The following WDFY4 variants were observed in gnomAD, a reference collection of about 807,000 sequenced individuals.
The protein encoded by WDFY4 is WDFY family member 4.
A neutral mutation model predicts 351.9 loss-of-function variants in WDFY4; 169 were observed. The ratio of observed to expected loss-of-function variants is 0.48; its 90% CI spans 0.42 to 0.55. The LOEUF (loss-of-function observed/expected upper bound fraction) is 0.55. Among genes scored for constraint, WDFY4 ranks in the 20% least tolerant of loss-of-function variants. The probability of loss-of-function intolerance (pLI) is 0.00; values close to 1 mark genes in which losing one functional copy is unlikely to be tolerated. For missense variants in WDFY4, 3,803 were observed against 3,935.6 expected, an observed-to-expected ratio of 0.97 and a Z score of 0.90; for synonymous variants, 1,622 against 1,574.6, an observed-to-expected ratio of 1.03 and a Z score of -0.71.
chr10:48,823,038 G>C (rs1460964871), intron 35 of WDFY4: 1 of 924,282 alleles, frequency 1.1e-6, no homozygotes, highest in Non-Finnish European at 1.5e-6. Flanking sequence ...AGATAAACAG[G>C]TATAGTTACA....
At chr10:48,801,122 A>G (rs1247953401) in intron 24 of WDFY4, among the ~76,000 whole-genome samples, 1 of 152,192 alleles carries the variant, frequency 6.6e-6, no homozygotes, top group East Asian at 1.9e-4. Context: ...GACACATTAT[A>G]CAGTCCATAC....
intron 43 of WDFY4, among the ~76,000 whole-genome samples, chr10:48,878,877 C>T (rs1374274219): frequency 1.3e-5 from 2 of 151,340 alleles, no homozygotes; most frequent in Non-Finnish European, 2.9e-5. Flanking sequence ...CTGAAGCAGC[C>T]AGTCAGTCAA....
At chr10:48,926,182 C>G (rs1445509661) in intron 47 of WDFY4, among the ~76,000 whole-genome samples, 1 of 152,206 alleles carries the variant, frequency 6.6e-6, no homozygotes, top group East Asian at 1.9e-4. Context: ...ATCCTGGAAT[C>G]CTATGACTCT....
chr10:48,775,895 A>C, intron 15 of WDFY4, 89 bp downstream of exon 15: 2 of 1,240,932 alleles, frequency 1.6e-6, no homozygotes, highest in Non-Finnish European at 2.3e-6. Flanking sequence ...ACAGGTGGGA[A>C]AGCAAACAGG....
intron 27 of WDFY4, among the ~76,000 whole-genome samples, chr10:48,807,603 A>G (rs923183419): frequency 1.3e-5 from 2 of 152,178 alleles, no homozygotes; most frequent in African/African-American, 2.4e-5. Context: ...ATTTTCCTTT[A>G]TTATTTTTAG....
chr10:48,949,717 C>T (rs1400305173), intron 51 of WDFY4, among the ~76,000 whole-genome samples: 1 of 152,184 alleles, frequency 6.6e-6, no homozygotes, highest in African/African-American at 2.4e-5. Flanking sequence ...CATGGGAGAG[C>T]ACACGTCTCC....
At chr10:48,765,233 C>T (rs2065631558) in intron 13 of WDFY4, among the ~76,000 whole-genome samples, 1 of 152,226 alleles carries the variant, frequency 6.6e-6, no homozygotes, top group Non-Finnish European at 1.5e-5. Flanking sequence ...TCAATGTCAT[C>T]ATTGTCATTA....
At chr10:48,712,960 C>T (rs1306930037) in intron 2 of WDFY4, among the ~76,000 whole-genome samples, 1 of 152,172 alleles carries the variant, frequency 6.6e-6, no homozygotes, top group Non-Finnish European at 1.5e-5. Flanking sequence ...TCCTGAACTC[C>T]CATGTGTGAT....
intron 24 of WDFY4, among the ~76,000 whole-genome samples, chr10:48,798,669 G>A (rs2066954584): frequency 6.6e-6 from 1 of 152,206 alleles, no homozygotes; most frequent in Admixed American, 6.5e-5. Context: ...ACAACCAGAA[G>A]GGAACGCCAG....
intron 44 of WDFY4, among the ~76,000 whole-genome samples, chr10:48,896,714 C>A (rs1837095381): frequency 1.3e-5 from 2 of 152,158 alleles, no homozygotes; most frequent in African/African-American, 4.8e-5. Context: ...TGCATTCAGT[C>A]TCACAGTCAC....
chr10:48,963,704 A>C, intron 53 of WDFY4, 138 bp from the exon 54 acceptor site: 1 of 993,912 alleles, frequency 1.0e-6, no homozygotes, highest in Middle Eastern at 3.2e-4. Context: ...CTTTGTGCTC[A>C]TCAAGCCCAG....
At chr10:48,733,677 T>C (rs2064544507) in intron 9 of WDFY4, among the ~76,000 whole-genome samples, 1 of 152,148 alleles carries the variant, frequency 6.6e-6, no homozygotes, top group South Asian at 2.1e-4. Context: ...CCTCAGAAAT[T>C]CTGGGGATGG....
chr10:48,859,043 G>A (rs1418655734), intron 39 of WDFY4, among the ~76,000 whole-genome samples: 2 of 152,006 alleles, frequency 1.3e-5, no homozygotes, highest in East Asian at 3.9e-4. Flanking sequence ...TGTGTGTGTT[G>A]ATCTTATATC....
chr10:48,970,053 A>G, intron 56 of WDFY4, 78 bp from the exon 57 acceptor site: 1 of 1,471,676 alleles, frequency 6.8e-7, no homozygotes, highest in Admixed American at 2.1e-5. Flanking sequence ...AGACTGGCCC[A>G]CATACCCCCG....
Position 48,774,475 on chromosome 10 carries a change from G to A in WDFY4, c.2571G>A (p.Gln857=). The stretch of plus-strand genomic sequence containing the variant: ...ACTCTTAGCTTTCCGAGGAGATCCA[G>A]TGCTCCCTGGCCAGTCATATCCAGT... The part of the protein sequence containing the change: ...EDHPQLSEEI[Q]CSLASHIQSL... The change falls in exon 14 of 62, where the codon CAG becomes CAA. Residue 857 remains glutamine (Q), a synonymous_variant. Transcript: ENST00000325239. The A allele has an allele frequency of 1.3e-6, 2 of 1,551,746 alleles. No homozygotes were observed. Among genetic ancestry groups the A allele is most frequent in the Non-Finnish European group, 8.7e-7 (1 of 1,147,002 alleles).
intron 24 of WDFY4, chr10:48,801,599 T>G: frequency 2.2e-6 from 1 of 445,718 alleles, no homozygotes; most frequent in South Asian, 1.6e-5. Flanking sequence ...GGCCCACCTC[T>G]GTGTGTGCCT....
intron 39 of WDFY4, among the ~76,000 whole-genome samples, chr10:48,853,799 A>T (rs1349606210): frequency 2.0e-5 from 3 of 152,190 alleles, no homozygotes; most frequent in Non-Finnish European, 4.4e-5. Flanking sequence ...TCACTGTGTC[A>T]TCTCTGCCCC....
chr10:48,847,431 T>C (rs2068814330), intron 39 of WDFY4, among the ~76,000 whole-genome samples: 1 of 152,206 alleles, frequency 6.6e-6, no homozygotes. Context: ...TCAATACATA[T>C]TCAGGGAAAG....
chr10:48,845,465 G>A (rs1022919752), intron 39 of WDFY4, among the ~76,000 whole-genome samples: 1 of 150,036 alleles, frequency 6.7e-6, no homozygotes, highest in African/African-American at 2.5e-5. Context: ...GCTGTAAAAA[G>A]AGGTGCCCAG....
Sources: allele counts gnomAD v4.1 joint callset (sites outside exome capture counted in the v4.1 genomes callset), GRCh38; gene constraint gnomAD v4.1.1; transcripts MANE v1.5; gene names NCBI Gene and HGNC (gene_info 2026-07-23, HGNC 2026-07-21).